Variants in CIB1 observed in about 807,000 individuals in gnomAD.
The protein encoded by CIB1 is calcium and integrin-binding protein 1.
Under a neutral mutation model 25.0 loss-of-function variants are expected in CIB1, and 19 were observed. The observed-to-expected ratio is 0.76, with a 90% confidence interval of 0.53 to 1.12. The LOEUF (loss-of-function observed/expected upper bound fraction) is 1.12, where lower values mean the gene tolerates loss of function less well. CIB1 is among the 50% of genes most tolerant of loss of function. The probability of loss-of-function intolerance (pLI) is 0.00; values close to 1 mark genes in which losing one functional copy is unlikely to be tolerated. For synonymous variants in CIB1, 104 were observed against 98.5 expected (o/e 1.06, Z -0.33); for missense variants, 236 against 242.6 (o/e 0.97, Z 0.18).
chr15:90,260,716 T>C, the CIB1 span, among the ~76,000 whole-genome samples: 1 of 151,672 alleles, frequency 6.6e-6, no homozygotes, highest in African/African-American at 2.4e-5. Context: ...CTGGGCGTGG[T>C]GGTGCATGCC....
the CIB1 span, chr15:90,253,130 C>T: frequency 1.6e-6 from 1 of 641,076 alleles, no homozygotes. Flanking sequence ...GAGGCAAGAA[C>T]TACCTCCCTC....
the CIB1 span, chr15:90,263,200 A>G: frequency 7.0e-7 from 1 of 1,437,906 alleles, no homozygotes; most frequent in Non-Finnish European, 9.2e-7. Flanking sequence ...CTGTCATTCC[A>G]GGACATGGTG....
chr15:90,230,901 G>A (rs1365885691), intron 6 of CIB1, 33 bp downstream of exon 6: 1 of 1,582,862 alleles, frequency 6.3e-7, no homozygotes, highest in Non-Finnish European at 8.7e-7. Flanking sequence ...GGAACCTGCA[G>A]GTACCCAGAA....
chr15:90,239,628 C>T, the CIB1 span, among the ~76,000 whole-genome samples: 7 of 152,312 alleles, frequency 4.6e-5, no homozygotes, highest in South Asian at 6.2e-4. Flanking sequence ...TACTTTCCAC[C>T]GGGCCCCTCC....
the CIB1 span, chr15:90,244,051 A>C: frequency 4.6e-5 from 7 of 151,434 alleles, no homozygotes; most frequent in Admixed American, 6.6e-5. Context: ...CAAGCAATTC[A>C]GCCTGAGTCT....
At chr15:90,261,885 G>A in the CIB1 span, 26 of 763,644 alleles carry the variant, frequency 3.4e-5, no homozygotes, top group African/African-American at 4.3e-4. Context: ...TTCCCTACTT[G>A]GGCAGGGGCC....
At position 90,233,571 on chromosome 15, in the gene CIB1, G is replaced by C. The variant is rs1962557633; in HGVS notation, c.86+98C>G. On this transcript the variant is annotated intron_variant, in intron 2 of 6. Coordinates refer to ENST00000328649, the MANE Select transcript of CIB1 (RefSeq NM_006384.4). The stretch of plus-strand genomic sequence containing the variant: ...GGCCTCCAGCTCCCGCTCCTCTGCA[G>C]ACCTCAGGCCAGCCCCCGCCCCTCC... 2.1e-6 allele frequency: 3 copies of C among 1,442,052 alleles called. No individual in the cohort carries two copies. The African/African-American group carries it at 4.2e-5, about 20-fold the overall frequency. 89.3% of individuals were successfully genotyped at this position (1,442,052 alleles called of 1,614,324 possible).
the CIB1 span, chr15:90,262,331 C>A: frequency 8.7e-7 from 1 of 1,155,892 alleles, no homozygotes; most frequent in Non-Finnish European, 1.2e-6. Flanking sequence ...CTTAGTGACT[C>A]TTTTCAGTTT....
chr15:90,235,720 A>C (rs1962621026), upstream of CIB1, among the ~76,000 whole-genome samples: 2 of 151,840 alleles, frequency 1.3e-5, no homozygotes, highest in Admixed American at 6.6e-5. Context: ...GGCACCCGCC[A>C]CCACACCCGG....
At chr15:90,254,558 G>A in the CIB1 span, among the ~76,000 whole-genome samples, 2 of 137,724 alleles carry the variant, frequency 1.5e-5, no homozygotes, top group East Asian at 7.4e-4. Context: ...TGCAGGCTGG[G>A]CACGGTGGAC....
At chr15:90,263,824 A>G in the CIB1 span, 39 of 733,310 alleles carry the variant, frequency 5.3e-5, no homozygotes, top group Non-Finnish European at 8.5e-5. Context: ...AGGGGCTGCC[A>G]CAGAGCAGGG....
chr15:90,264,956 C>T, the CIB1 span: 1 of 1,535,860 alleles, frequency 6.5e-7, no homozygotes, highest in East Asian at 2.4e-5. Context: ...CAACATCAAT[C>T]AGTTCAGGTA....
At chr15:90,240,446 T>G in the CIB1 span, among the ~76,000 whole-genome samples, 2 of 152,016 alleles carry the variant, frequency 1.3e-5, no homozygotes, top group Admixed American at 1.3e-4. Context: ...AGGTGGAGGT[T>G]GCAGTGAGCC....
At chr15:90,265,754 C>T in the CIB1 span, 4 of 1,613,026 alleles carry the variant, frequency 2.5e-6, no homozygotes, top group Non-Finnish European at 2.5e-6. Flanking sequence ...GGCGCGTTTG[C>T]GCCGCCGTCA....
chr15:90,265,123 G>T, the CIB1 span: 15 of 1,252,100 alleles, frequency 1.2e-5, no homozygotes, highest in East Asian at 1.5e-4. Context: ...AAGACACCAA[G>T]AATTCCTCAA....
the CIB1 span, chr15:90,258,958 C>A: frequency 6.2e-7 from 1 of 1,613,866 alleles, no homozygotes; most frequent in South Asian, 1.1e-5. Context: ...GTGTTTAGTT[C>A]TTCATTATTC....
Position 90,230,351 on chromosome 15 carries a change from G to A in CIB1, c.*133C>T. 1 of 1,039,452 alleles carries A rather than the reference G, an allele frequency of 9.6e-7. No individual in the cohort carries two copies. The allele number at this position is 1,039,452 out of a possible 1,614,324, so 64.4% of individuals were successfully genotyped here. A position where few individuals can be genotyped will look rare whatever the true frequency, so the allele number is the denominator to read the frequency against. Reference sequence around the variant, plus strand: ...GACAACGAGGGCCGCCCCTGCCCGGGGTGAGGCTGCACAGCGCCAGCTCCA... The same window carrying A: ...GACAACGAGGGCCGCCCCTGCCCGGAGTGAGGCTGCACAGCGCCAGCTCCA... On this transcript the variant is annotated 3_prime_UTR_variant, in exon 7 of 7. Coordinates refer to ENST00000328649, the MANE Select transcript of CIB1 (RefSeq NM_006384.4).
At chr15:90,252,047 T>C in the CIB1 span, among the ~76,000 whole-genome samples, 11 of 150,578 alleles carry the variant, frequency 7.3e-5, no homozygotes, top group South Asian at 1.1e-3. Context: ...CTAATTCTTT[T>C]TTTTTTTTTG....
the CIB1 span, chr15:90,245,077 A>G: frequency 6.6e-6 from 1 of 152,258 alleles, no homozygotes; most frequent in Non-Finnish European, 1.5e-5. Flanking sequence ...CTAGGCCTGT[A>G]TAAAGCCTTA....
Sources: gnomAD v4.1 joint callset for allele counts (sites outside exome capture counted in the v4.1 genomes callset) on GRCh38, gnomAD v4.1.1 for gene constraint, MANE v1.5 for transcripts, NCBI Gene and HGNC (gene_info 2026-07-23, HGNC 2026-07-21) for gene names.